MFSD6: variants seen among roughly 807,000 people sequenced by gnomAD.
MFSD6 encodes the protein major facilitator superfamily domain containing 6, also known as major facilitator superfamily domain-containing protein 6.
Under a neutral mutation model 56.3 loss-of-function variants are expected in MFSD6, and 26 were observed. The ratio of observed to expected loss-of-function variants is 0.46; its 90% CI spans 0.34 to 0.64. The LOEUF is 0.64. Ranked by LOEUF, MFSD6 falls within the 30% of genes least tolerant of loss-of-function variation. The pLI, the probability that MFSD6 is intolerant of heterozygous loss-of-function variation, is 0.01. For missense variants in MFSD6, 750 were observed against 986.2 expected (o/e 0.76, Z 3.21); for synonymous variants, 331 against 366.9 (o/e 0.90, Z 1.12).
In MFSD6 at chr2:190,488,343, C is replaced by T. The variant is rs950250175; in HGVS notation, c.1631-314C>T. Among the ~76,000 whole-genome samples, 86 of 152,072 alleles carry T rather than the reference C, an allele frequency of 5.7e-4. No individual in the cohort carries two copies. The highest frequency in any genetic ancestry group is 1.6e-3 in the African/African-American group (66 of 41,408). On this transcript the variant is annotated intron_variant, in intron 4 of 7. Transcript: ENST00000392328. The surrounding 1 kb of genome is among the most constrained non-coding windows in gnomAD (Gnocchi z 6.4). The stretch of plus-strand genomic sequence containing the variant: ...ATGAATGGGAGTCACATTCAAGAGA[C>T]AGGAAGTAGAATGGTGGTTGTCAGG...
Position 190,499,806 on chromosome 2 carries a change from TTG to T in MFSD6, c.2173-205_2173-204del. ...CACAAGACACGTCTGCTTATAGTGT[TTG>T]TGTTTTTCATGCGGCTCTGGCAGTT... is the stretch of plus-strand genomic sequence containing the variant. On this transcript the variant is annotated intron_variant, in intron 7 of 7. Transcript: ENST00000392328. The surrounding 1 kb of genome is among the most constrained non-coding windows in gnomAD (Gnocchi z 6.0). The T allele has an allele frequency of 6.6e-7, 1 of 1,526,384 alleles. No individual in the cohort carries two copies. The highest frequency in any genetic ancestry group is 8.8e-7 in the Non-Finnish European group (1 of 1,131,710). 94.6% of individuals were successfully genotyped at this position (1,526,384 alleles called of 1,614,324 possible).
In MFSD6 at chr2:190,454,932, GTATGTATATGTATATGTATATGTA is replaced by G. The variant is rs56676240; in HGVS notation, c.1533-14781_1533-14758del. ...GTATGTATATGTGTTCCTGGTTTCT[GTATGTATATGTATATGTATATGTA>G]TATGTATATGTATATGTATATGTAT... On this transcript the variant is annotated intron_variant, in intron 3 of 7. Coordinates refer to ENST00000392328, the MANE Select transcript of MFSD6 (RefSeq NM_017694.4). This position sits in a 1 kb window ranked among gnomAD's most constrained non-coding sequence, Gnocchi z 4.6. 4.7e-3 allele frequency among the ~76,000 whole-genome samples: 627 copies of G among 132,900 alleles called. 2 individuals are homozygous for G. Among genetic ancestry groups the G allele is most frequent in the East Asian group, 0.025 (111 of 4,364 alleles). 87.2% of individuals were successfully genotyped at this position (132,900 alleles called of 152,430 possible).
In MFSD6 at chr2:190,434,008, T is replaced by C. The variant is rs559679079; in HGVS notation, c.-53-1969T>C. Reference sequence around the variant, plus strand: ...GAGTTGGAGAACGGCCTGGGCAACATGGCAAAAACCCCATCTCTACAAAAA... The same window carrying C: ...GAGTTGGAGAACGGCCTGGGCAACACGGCAAAAACCCCATCTCTACAAAAA... On this transcript the variant is annotated intron_variant, in intron 2 of 7. Transcript: ENST00000392328. The surrounding 1 kb of genome is among the most constrained non-coding windows in gnomAD (Gnocchi z 4.3). Among the ~76,000 whole-genome samples the C allele has an allele frequency of 6.6e-6, 1 of 151,890 alleles. No individual in the cohort carries two copies. Among genetic ancestry groups the C allele is most frequent in the East Asian group, 1.9e-4 (1 of 5,168 alleles).
chr2:190,411,040 G>A, intron 1 of MFSD6: 1 of 863,736 alleles, frequency 1.2e-6, no homozygotes, highest in South Asian at 5.3e-5. Flanking sequence ...GGGCAACAGA[G>A]CGAGACTCTA....
At chr2:190,427,693 G>A (rs1195597959) in intron 2 of MFSD6, among the ~76,000 whole-genome samples, 1 of 150,816 alleles carries the variant, frequency 6.6e-6, no homozygotes, top group Non-Finnish European at 1.5e-5. Flanking sequence ...AGAAAATTGT[G>A]TCTACTCCAT....
In MFSD6 at chr2:190,471,872, G is replaced by T. The variant is rs1403790093; in HGVS notation, c.1630+2017G>T. On this transcript the variant is annotated intron_variant, in intron 4 of 7. Coordinates refer to ENST00000392328, the MANE Select transcript of MFSD6 (RefSeq NM_017694.4). The surrounding 1 kb of genome is among the most constrained non-coding windows in gnomAD (Gnocchi z 4.7). ...GGCAGACTGATAACTCATACGGCCG[G>T]GTACCCCTCTGAGACAAAACTTCCA... Among the ~76,000 whole-genome samples, 2 of 152,140 alleles carry T rather than the reference G, an allele frequency of 1.3e-5. No individual in the cohort carries two copies. Among genetic ancestry groups the T allele is most frequent in the African/African-American group, 2.4e-5 (1 of 41,422 alleles).
chr2:190,425,767 G>T lies in MFSD6; in HGVS notation c.-53-10210G>T, dbSNP rs1235298455. 2.6e-5 allele frequency among the ~76,000 whole-genome samples: 4 copies of T among 151,930 alleles called. No homozygotes were observed. The highest frequency in any genetic ancestry group is 4.4e-5 in the Non-Finnish European group (3 of 67,972). On this transcript the variant is annotated intron_variant, in intron 2 of 7. Coordinates refer to ENST00000392328, the MANE Select transcript of MFSD6 (RefSeq NM_017694.4). The surrounding 1 kb of genome is among the most constrained non-coding windows in gnomAD (Gnocchi z 4.3). The stretch of plus-strand genomic sequence containing the variant: ...TCTCTTTTCTAATATTTTCTTAAGG[G>T]TTCTTGTATCTAGATTTACCAGGGA...
intron 1 of MFSD6, chr2:190,411,147 A>G (rs1269548395): frequency 2.0e-6 from 2 of 979,820 alleles, no homozygotes; most frequent in Admixed American, 6.3e-5. Flanking sequence ...TTTGTCCCCA[A>G]ACTGTTGACA....
rs1687965984 is a variant in MFSD6, at chr2:190,471,958, C to T, written c.1630+2103C>T. Among the ~76,000 whole-genome samples, 1 of 152,208 alleles carries T rather than the reference C, an allele frequency of 6.6e-6. No individual in the cohort carries two copies. Among genetic ancestry groups the T allele is most frequent in the African/African-American group, 2.4e-5 (1 of 41,444 alleles). On this transcript the variant is annotated intron_variant, in intron 4 of 7. Transcript: ENST00000392328. This position sits in a 1 kb window ranked among gnomAD's most constrained non-coding sequence, Gnocchi z 4.7. ...AATATCCGCTGTTCTGCAGCTTTCA[C>T]TGCTGATACCCAGGCAAACAGGGTC...
rs988664068 is a variant in MFSD6 at position 190,456,249 on chromosome 2, T to A, written c.1533-13509T>A. 6.6e-6 allele frequency among the ~76,000 whole-genome samples: 1 copy of A among 152,126 alleles called. No homozygotes were observed. Among genetic ancestry groups the A allele is most frequent in the Admixed American group, 6.5e-5 (1 of 15,268 alleles). On this transcript the variant is annotated intron_variant, in intron 3 of 7. Coordinates refer to ENST00000392328, the MANE Select transcript of MFSD6 (RefSeq NM_017694.4). The surrounding 1 kb of genome is among the most constrained non-coding windows in gnomAD (Gnocchi z 5.4). Reference sequence around the variant, plus strand: ...AGCCACCATGCCTGGCCTGCTCTACTTTTTTCCTTACTTGAAAAATCCATG... The same window carrying A: ...AGCCACCATGCCTGGCCTGCTCTACATTTTTCCTTACTTGAAAAATCCATG...
chr2:190,430,572 C>T (rs888664127), intron 2 of MFSD6, among the ~76,000 whole-genome samples: 2 of 152,050 alleles, frequency 1.3e-5, no homozygotes, highest in African/African-American at 4.8e-5. Flanking sequence ...TTTCTTAGTA[C>T]AGAACAAAAT....
rs763654136 is a variant in MFSD6, at chr2:190,489,749, G to A, written c.1793-19G>A. Reference sequence around the variant, plus strand: ...GCATTTCTTGGAATTACTCTATAGAGTGCTGTTTGTTTTTATAGGGGCTGC... The same window carrying A: ...GCATTTCTTGGAATTACTCTATAGAATGCTGTTTGTTTTTATAGGGGCTGC... On this transcript the variant is annotated intron_variant, in intron 5 of 7. Transcript: ENST00000392328. This position sits in a 1 kb window ranked among gnomAD's most constrained non-coding sequence, Gnocchi z 6.6. The A allele has an allele frequency of 6.2e-6, 10 of 1,607,342 alleles. No homozygotes were observed. In the African/African-American group the frequency reaches 1.2e-4, roughly 19 times the overall value.
rs1305434379 is a variant in MFSD6 at position 190,500,387 on chromosome 2, A to T, written c.*169A>T. 8 of 700,200 alleles carry T rather than the reference A, an allele frequency of 1.1e-5. No homozygotes were observed. The highest frequency in any genetic ancestry group is 1.9e-5 in the Non-Finnish European group (8 of 429,314). The allele number at this position is 700,200 out of a possible 1,614,324, so 43.4% of individuals were successfully genotyped here. A position where few individuals can be genotyped will look rare whatever the true frequency, so the allele number is the denominator to read the frequency against. On this transcript the variant is annotated 3_prime_UTR_variant, in exon 8 of 8. Transcript: ENST00000392328. The surrounding 1 kb of genome is among the most constrained non-coding windows in gnomAD (Gnocchi z 5.3). ...AACACACACACAGGAGCTACAGTAC[A>T]TATTGGCAGGAAAAGGTAAACTTTC...
intron 1 of MFSD6, chr2:190,411,133 C>T (rs1690544070): frequency 1.1e-5 from 11 of 983,032 alleles, no homozygotes; most frequent in Admixed American, 6.2e-5. Context: ...CACACATACG[C>T]CTTTTTGTCC....
rs949620637 is a variant in MFSD6, at chr2:190,500,941, A to G, written c.*723A>G. The G allele has an allele frequency of 7.9e-5, 12 of 152,000 alleles. No individual in the cohort carries two copies. In the South Asian group the frequency reaches 1.0e-3, roughly 13 times the overall value. The allele number at this position is 152,000 out of a possible 1,614,324, so 9.4% of individuals were successfully genotyped here. On this transcript the variant is annotated 3_prime_UTR_variant, in exon 8 of 8. Transcript: ENST00000392328. The surrounding 1 kb of genome is among the most constrained non-coding windows in gnomAD (Gnocchi z 5.3). ...CCTTTTGTTTTAAATGGGCTTTGAG[A>G]AAAAAAACAGAAACAAGCGATTATT...
At chr2:190,477,419 T>C (rs915662868) in intron 4 of MFSD6, 4 of 921,052 alleles carry the variant, frequency 4.3e-6, no homozygotes, top group South Asian at 5.0e-5. Context: ...ATTATAATAA[T>C]ACATGCATAT....
At chr2:190,407,932 C>T (rs779119573), upstream of MFSD6, among the ~76,000 whole-genome samples, 23 of 152,352 alleles carry the variant, frequency 1.5e-4, no homozygotes, top group Admixed American at 2.6e-4. The surrounding 1 kb of genome is among the most constrained non-coding windows in gnomAD (Gnocchi z 5.4). Flanking sequence ...CTGGCCCGCA[C>T]TCATTGCCTG....
At position 190,461,440 on chromosome 2, in the gene MFSD6, A is replaced by T. The variant is rs1687323703; in HGVS notation, c.1533-8318A>T. On this transcript the variant is annotated intron_variant, in intron 3 of 7. Transcript: ENST00000392328. The surrounding 1 kb of genome is among the most constrained non-coding windows in gnomAD (Gnocchi z 5.5). ...AGAGATATTCTGTTCATATGTAAGT[A>T]TGTAGCTGTATGTGTCACTTCCTTT... Among the ~76,000 whole-genome samples the T allele has an allele frequency of 6.6e-6, 1 of 152,224 alleles. No individual in the cohort carries two copies. Among genetic ancestry groups the T allele is most frequent in the East Asian group, 1.9e-4 (1 of 5,196 alleles).
chr2:190,466,077 T>C (rs1687590856), intron 3 of MFSD6, among the ~76,000 whole-genome samples: 1 of 152,218 alleles, frequency 6.6e-6, no homozygotes, highest in South Asian at 2.1e-4. Context: ...GCTTAGGTTT[T>C]CTTCCAGAGT....
Sources: allele counts gnomAD v4.1 joint callset (sites outside exome capture counted in the v4.1 genomes callset), GRCh38; gene constraint gnomAD v4.1.1; non-coding constraint Gnocchi (gnomAD v3.1); transcripts MANE v1.5; gene names NCBI Gene and HGNC (gene_info 2026-07-23, HGNC 2026-07-21).